TRPM1: variants seen among roughly 807,000 people sequenced by gnomAD.
The protein encoded by TRPM1 is TRPM1-203 APA Isoform, Intron 10.
TRPM1 carries 113 observed loss-of-function variants against 149.4 expected under a neutral mutation model. The ratio of observed to expected loss-of-function variants is 0.76; its 90% CI spans 0.65 to 0.88. The LOEUF (loss-of-function observed/expected upper bound fraction) is 0.88, where lower values mean the gene tolerates loss of function less well. Ranked by LOEUF, TRPM1 falls within the 40% of genes least tolerant of loss-of-function variation. TRPM1 has a pLI of 0.00. For missense variants in TRPM1, 1,976 were observed against 2,038.7 expected, an observed-to-expected ratio of 0.97 and a Z score of 0.59; for synonymous variants, 741 against 759.5, an observed-to-expected ratio of 0.98 and a Z score of 0.40.
At chr15:31,030,907 G>T in intron 23 of TRPM1, 76 bp downstream of exon 23, 2 of 1,534,468 alleles carry the variant, frequency 1.3e-6, no homozygotes, top group Non-Finnish European at 1.8e-6. Flanking sequence ...ATTAATACAT[G>T]TTCTTCCATT....
chr15:31,078,716 A>G (rs2034780003), intron 2 of TRPM1, among the ~76,000 whole-genome samples: 1 of 152,190 alleles, frequency 6.6e-6, no homozygotes, highest in Non-Finnish European at 1.5e-5. Flanking sequence ...CCAGCGCAAG[A>G]CAGCGAAGCC....
rs549928772 is a variant in TRPM1 at position 31,135,776 on chromosome 15, C to T, written c.54+25130G>A. Among the ~76,000 whole-genome samples the T allele has an allele frequency of 1.8e-3, 269 of 152,162 alleles. 1 individual carries two copies. The highest frequency in any genetic ancestry group is 0.018 in the South Asian group (85 of 4,812). On this transcript the variant is annotated intron_variant, in intron 1 of 26. Transcript: ENST00000542188. ...CACCTCTCTCCTTTACTTCCTCTCT[C>T]GCCACATGATCTCTGCACACACCGG... is the stretch of plus-strand genomic sequence containing the variant.
chr15:31,088,994 T>C (rs879652519), intron 1 of TRPM1, among the ~76,000 whole-genome samples: 7 of 152,206 alleles, frequency 4.6e-5, no homozygotes, highest in African/African-American at 1.7e-4. Context: ...TGATGGGCAG[T>C]TCTAGATTTA....
At chr15:31,088,982 G>A (rs889323126) in intron 1 of TRPM1, among the ~76,000 whole-genome samples, 1 of 152,200 alleles carries the variant, frequency 6.6e-6, no homozygotes, top group African/African-American at 2.4e-5. Flanking sequence ...CACTTTCTTG[G>A]CTGATGGGCA....
intron 1 of TRPM1, among the ~76,000 whole-genome samples, chr15:31,158,295 G>T (rs545653010): frequency 6.6e-6 from 1 of 152,162 alleles, no homozygotes; most frequent in Admixed American, 6.5e-5. Flanking sequence ...AAAGATTTCA[G>T]GGTGAGTCCA....
rs892997445 is a variant in TRPM1, at chr15:31,040,889, G to A, written c.2088-543C>T. On this transcript the variant is annotated intron_variant, in intron 17 of 27. Transcript: ENST00000256552. This position sits in a 1 kb window ranked among gnomAD's most constrained non-coding sequence, Gnocchi z 4.2. The stretch of plus-strand genomic sequence containing the variant: ...TGGACTGTCACCAGCTGGACATTTC[G>A]GATGTATGCCTTTCTCTGCCCGTGT... Among the ~76,000 whole-genome samples, 10 of 152,108 alleles carry A rather than the reference G, an allele frequency of 6.6e-5. No individual in the cohort carries two copies. Among genetic ancestry groups the A allele is most frequent in the Admixed American group, 5.9e-4 (9 of 15,270 alleles).
rs1360844631 is a variant in TRPM1 at position 31,040,109 on chromosome 15, T to C, written c.2316+9A>G. The C allele has an allele frequency of 6.2e-7, 1 of 1,613,908 alleles. No individual in the cohort carries two copies. Among genetic ancestry groups the C allele is most frequent in the Non-Finnish European group, 8.5e-7 (1 of 1,179,746 alleles). ...CACCCTGGCCCGCCTCGCAGCACGT[T>C]GCACGCACCTTCAGGCCGGGGTTCT... On this transcript the variant is annotated intron_variant, in intron 18 of 27. Transcript: ENST00000256552. This position sits in a 1 kb window ranked among gnomAD's most constrained non-coding sequence, Gnocchi z 4.2.
At chr15:31,046,742 G>A (rs2033774867) in intron 15 of TRPM1, among the ~76,000 whole-genome samples, 1 of 152,212 alleles carries the variant, frequency 6.6e-6, no homozygotes, top group African/African-American at 2.4e-5. Context: ...GATTCTCCAG[G>A]CAGTGAGGAG....
chr15:31,143,532 C>T (rs963587908), intron 1 of TRPM1, among the ~76,000 whole-genome samples: 1 of 152,038 alleles, frequency 6.6e-6, no homozygotes, highest in Non-Finnish European at 1.5e-5. Flanking sequence ...CTCCTACCTC[C>T]GCCTCCTGAG....
At chr15:31,009,337 A>G (rs889387581) in intron 27 of TRPM1, among the ~76,000 whole-genome samples, 1 of 152,150 alleles carries the variant, frequency 6.6e-6, no homozygotes, top group Non-Finnish European at 1.5e-5. Flanking sequence ...TCAAAAAATA[A>G]ATAAAATTTA....
intron 27 of TRPM1, among the ~76,000 whole-genome samples, chr15:31,019,745 C>T (rs2032492937): frequency 6.6e-6 from 1 of 151,796 alleles, no homozygotes; most frequent in African/African-American, 2.4e-5. Context: ...CCATGTTGAC[C>T]AGGTTGGTCT....
chr15:31,143,765 C>G (rs998159612), intron 1 of TRPM1, among the ~76,000 whole-genome samples: 1 of 151,700 alleles, frequency 6.6e-6, no homozygotes, highest in Non-Finnish European at 1.5e-5. Context: ...TTTAAGCTAT[C>G]TATAGCTTAC....
At chr15:31,119,884 C>T (rs73375963) in intron 1 of TRPM1, among the ~76,000 whole-genome samples, 2 of 151,814 alleles carry the variant, frequency 1.3e-5, no homozygotes, top group African/African-American at 2.4e-5. Context: ...GAAGAGAGAA[C>T]GTGGAATTTT....
At chr15:31,053,785 G>T in intron 11 of TRPM1, among the ~76,000 whole-genome samples, 1 of 152,170 alleles carries the variant, frequency 6.6e-6, no homozygotes, top group East Asian at 1.9e-4. Context: ...AGAAGTATTT[G>T]TACACCTACA....
At chr15:31,050,705 A>G in intron 11 of TRPM1, 123 bp from the exon 12 acceptor site, 5 of 1,011,308 alleles carry the variant, frequency 4.9e-6, no homozygotes, top group African/African-American at 1.6e-5. Flanking sequence ...CACACAATGT[A>G]CATGTGCACA....
At chr15:31,023,937 CATT>C (rs796285266) in intron 27 of TRPM1, among the ~76,000 whole-genome samples, 7 of 152,194 alleles carry the variant, frequency 4.6e-5, no homozygotes, top group African/African-American at 1.4e-4. Flanking sequence ...AATTTCCAAA[CATT>C]AGGAGAGAAC....
At chr15:31,151,762 C>G (rs987788005) in intron 1 of TRPM1, among the ~76,000 whole-genome samples, 3 of 152,254 alleles carry the variant, frequency 2.0e-5, no homozygotes, top group Non-Finnish European at 4.4e-5. Flanking sequence ...GACCTCACAT[C>G]TCCCTCACAC....
intron 1 of TRPM1, among the ~76,000 whole-genome samples, chr15:31,156,932 T>TA (rs1303681848): frequency 1.4e-5 from 2 of 144,262 alleles, no homozygotes; most frequent in East Asian, 1.9e-4. Context: ...TTACATTTAT[T>TA]TTTTTTTTTT....
chr15:31,112,287 T>C (rs1418360784), intron 1 of TRPM1, among the ~76,000 whole-genome samples: 2 of 152,196 alleles, frequency 1.3e-5, no homozygotes, highest in African/African-American at 4.8e-5. Flanking sequence ...GAGATCAGCC[T>C]GACCAACATA....
Sources: gnomAD v4.1 joint callset for allele counts (sites outside exome capture counted in the v4.1 genomes callset) on GRCh38, gnomAD v4.1.1 for gene constraint, Gnocchi (gnomAD v3.1) non-coding constraint, MANE v1.5 for transcripts, NCBI Gene and HGNC (gene_info 2026-07-23, HGNC 2026-07-21) for gene names.